TBL1XR1: variants seen among roughly 807,000 people sequenced by gnomAD.
The protein encoded by TBL1XR1 is TBL1X/Y related 1, also known as F-box-like/WD repeat-containing protein TBL1XR1.
In TBL1XR1, 5 loss-of-function variants were observed where a neutral mutation model predicts 66.9. That is an observed-to-expected ratio of 0.07 (90% CI 0.04 to 0.16). The LOEUF (loss-of-function observed/expected upper bound fraction) is 0.16, where lower values mean the gene tolerates loss of function less well. Ranked by LOEUF, TBL1XR1 falls within the 10% of genes least tolerant of loss-of-function variation. TBL1XR1 has a pLI of 1.00. For missense variants in TBL1XR1, 238 were observed against 623.2 expected (o/e 0.38, Z 6.58); for synonymous variants, 210 against 206.0 (o/e 1.02, Z -0.17).
chr3:177,198,002 G>C (rs987490566), upstream of TBL1XR1, among the ~76,000 whole-genome samples: 18 of 151,704 alleles, frequency 1.2e-4, no homozygotes, highest in East Asian at 1.4e-3. Context: ...GCGTGTCCGG[G>C]GGGCGGCCCG....
At chr3:177,182,762 A>T (rs1734981801) in intron 1 of TBL1XR1, among the ~76,000 whole-genome samples, 1 of 152,212 alleles carries the variant, frequency 6.6e-6, no homozygotes, top group South Asian at 2.1e-4. Flanking sequence ...TGTCACGGAA[A>T]GAAGCCTAAT....
chr3:177,021,531 C>G lies in TBL1XR1; in HGVS notation c.*3967G>C, dbSNP rs1712358407. Reference sequence around the variant, plus strand: ...AAAGTGAACACTTCCTCTTTCTTCTCTCTTCTACATTTAACTAGAATCATG... The same window carrying G: ...AAAGTGAACACTTCCTCTTTCTTCTGTCTTCTACATTTAACTAGAATCATG... On this transcript the variant is annotated 3_prime_UTR_variant, in exon 16 of 16. Coordinates refer to ENST00000457928, the MANE Select transcript of TBL1XR1 (RefSeq NM_024665.7). 6.6e-6 allele frequency: 1 copy of G among 152,546 alleles called. No individual in the cohort carries two copies. The highest frequency in any genetic ancestry group is 1.5e-5 in the Non-Finnish European group (1 of 67,976). The allele number at this position is 152,546 out of a possible 1,614,324, so 9.4% of individuals were successfully genotyped here.
intron 1 of TBL1XR1, among the ~76,000 whole-genome samples, chr3:177,144,753 A>C (rs1239509608): frequency 1.3e-5 from 2 of 151,312 alleles, no homozygotes; most frequent in African/African-American, 4.9e-5. Context: ...ACTCCGTCCC[A>C]AAAAAAAAGA....
chr3:177,198,868 AC>A (rs1177929182), upstream of TBL1XR1, among the ~76,000 whole-genome samples: 1 of 3,580 alleles, frequency 2.8e-4, no homozygotes, highest in East Asian at 6.8e-3. Context: ...GTTTTGCGAC[AC>A]ACACACACAC....
intron 1 of TBL1XR1, among the ~76,000 whole-genome samples, chr3:177,116,122 A>G (rs1726277020): frequency 6.6e-6 from 1 of 152,154 alleles, no homozygotes; most frequent in South Asian, 2.1e-4. Flanking sequence ...ATTTTGAAAA[A>G]CAGTACCTTC....
chr3:177,083,623 G>GA (rs369753550), intron 2 of TBL1XR1, among the ~76,000 whole-genome samples: 8 of 151,524 alleles, frequency 5.3e-5, no homozygotes, highest in East Asian at 1.9e-4. Flanking sequence ...CAAACATATA[G>GA]AAAAAAAATG....
intron 2 of TBL1XR1, among the ~76,000 whole-genome samples, chr3:177,070,166 ACTTTG>A (rs1185885083): frequency 4.3e-4 from 21 of 49,132 alleles, no homozygotes; most frequent in African/African-American, 1.6e-3. Context: ...ATGATGAGTC[ACTTTG>A]ATTTAAGTCC....
intron 1 of TBL1XR1, among the ~76,000 whole-genome samples, chr3:177,142,972 T>C (rs972266240): frequency 6.6e-6 from 1 of 152,006 alleles, no homozygotes; most frequent in African/African-American, 2.4e-5. Flanking sequence ...AAATGTCCTT[T>C]GGGTGGTCTA....
At chr3:177,141,350 T>C (rs574087430) in intron 1 of TBL1XR1, among the ~76,000 whole-genome samples, 15 of 152,292 alleles carry the variant, frequency 9.8e-5, no homozygotes, top group African/African-American at 3.6e-4. Flanking sequence ...GAATACCAGG[T>C]AGAAGTTAAG....
At chr3:177,025,602 AT>A (rs1190798685) in intron 15 of TBL1XR1, 78 bp from the exon 16 acceptor site, 5 of 1,374,858 alleles carry the variant, frequency 3.6e-6, no homozygotes, top group Non-Finnish European at 5.1e-6. Context: ...CTATAGTACA[AT>A]TTGAAATGTT....
chr3:177,061,253 T>C (rs958817109), intron 3 of TBL1XR1, among the ~76,000 whole-genome samples: 6 of 152,064 alleles, frequency 3.9e-5, no homozygotes, highest in African/African-American at 9.7e-5. Flanking sequence ...GTGAGAAAAA[T>C]GAATCTGAGA....
chr3:177,182,308 CG>C (rs1324125205), intron 1 of TBL1XR1, among the ~76,000 whole-genome samples: 1 of 152,048 alleles, frequency 6.6e-6, no homozygotes, highest in Non-Finnish European at 1.5e-5. Flanking sequence ...CACCTGAGCC[CG>C]GGGAGTTCAG....
intron 2 of TBL1XR1, among the ~76,000 whole-genome samples, chr3:177,096,274 G>C (rs1723462494): frequency 1.3e-5 from 2 of 151,782 alleles, no homozygotes; most frequent in Admixed American, 6.6e-5. Flanking sequence ...TAGCTAGACT[G>C]TAAGCAAGTT....
intron 1 of TBL1XR1, among the ~76,000 whole-genome samples, chr3:177,111,319 C>A (rs1327773655): frequency 6.7e-6 from 1 of 150,314 alleles, no homozygotes; most frequent in Non-Finnish European, 1.5e-5. Flanking sequence ...GTTGCCCAGA[C>A]TGGAGTGCAG....
chr3:177,167,259 A>T (rs917007086), intron 1 of TBL1XR1, among the ~76,000 whole-genome samples: 1 of 142,898 alleles, frequency 7.0e-6, no homozygotes, highest in Admixed American at 6.7e-5. Flanking sequence ...GCTACATACT[A>T]CATGATTCCA....
chr3:177,101,776 C>T (rs969540342), intron 1 of TBL1XR1, among the ~76,000 whole-genome samples: 1 of 152,124 alleles, frequency 6.6e-6, no homozygotes, highest in African/African-American at 2.4e-5. Context: ...AATAAACTTA[C>T]AATACTAAGC....
chr3:177,159,050 TCTC>T (rs2108881624), intron 1 of TBL1XR1, among the ~76,000 whole-genome samples: 1 of 152,258 alleles, frequency 6.6e-6, no homozygotes, highest in African/African-American at 2.4e-5. Context: ...AAGTTTTAAT[TCTC>T]CTAAAATGTA....
At chr3:177,076,167 A>G (rs1214057451) in intron 2 of TBL1XR1, among the ~76,000 whole-genome samples, 1 of 152,172 alleles carries the variant, frequency 6.6e-6, no homozygotes, top group African/African-American at 2.4e-5. Flanking sequence ...AACTTCTTTT[A>G]TAAGGTCACA....
chr3:177,158,224 CTTTTCTTTTTT>C (rs1395157727), intron 1 of TBL1XR1, among the ~76,000 whole-genome samples: 1 of 139,682 alleles, frequency 7.2e-6, no homozygotes, highest in Non-Finnish European at 1.5e-5. Flanking sequence ...GGATTTGTTT[CTTTTCTTTTTT>C]TTTTTTTTTT....
Sources: gnomAD v4.1 joint callset for allele counts (sites outside exome capture counted in the v4.1 genomes callset) on GRCh38, gnomAD v4.1.1 for gene constraint, MANE v1.5 for transcripts, NCBI Gene and HGNC (gene_info 2026-07-23, HGNC 2026-07-21) for gene names.